GRIN2B: variants seen among roughly 807,000 people sequenced by gnomAD.
GRIN2B encodes glutamate ionotropic receptor NMDA type subunit 2B, also known as glutamate receptor ionotropic, NMDA 2B.
A neutral mutation model predicts 114.5 loss-of-function variants in GRIN2B; 5 were observed. The observed-to-expected ratio is 0.04, with a 90% CI of 0.02 to 0.09. GRIN2B has a LOEUF of 0.09. Ranked by LOEUF, GRIN2B falls within the 10% of genes least tolerant of loss-of-function variation. The pLI is 1.00. For synonymous variants in GRIN2B, 787 were observed against 745.1 expected (o/e 1.06, Z -0.92); for missense variants, 1,108 against 1,943.5 (o/e 0.57, Z 8.08).
At position 13,559,291 on chromosome 12, in the gene GRIN2B, A is replaced by G. The variant is rs1948510283; in HGVS notation, c.*3492T>C. The G allele has an allele frequency of 6.6e-6, 1 of 152,250 alleles. No individual in the cohort carries two copies. The highest frequency in any genetic ancestry group is 6.5e-5 in the Admixed American group (1 of 15,290). 9.4% of individuals were successfully genotyped at this position (152,250 alleles called of 1,614,324 possible). On this transcript the variant is annotated 3_prime_UTR_variant, in exon 14 of 14. Coordinates refer to ENST00000609686, the MANE Select transcript of GRIN2B (RefSeq NM_000834.5). ...TGGGGCCAAATAAGTTTAGAAAAATAAAATTGTCCAGCTAACAGCTTTTAT... is the reference window on the plus strand; with the variant it reads ...TGGGGCCAAATAAGTTTAGAAAAATGAAATTGTCCAGCTAACAGCTTTTAT...
At chr12:13,641,723 T>C (rs1288409395) in intron 5 of GRIN2B, among the ~76,000 whole-genome samples, 2 of 152,188 alleles carry the variant, frequency 1.3e-5, no homozygotes, top group Non-Finnish European at 2.9e-5. Context: ...TTTTAGTGTT[T>C]ACTCATTAGA....
chr12:13,562,597 A>G lies in GRIN2B; in HGVS notation c.*186T>C. Reference sequence around the variant, plus strand: ...GAAGGAGAGAACTGTGAAAAGGAGGAGAGATGGTGCTGGTCACCAGGGTTG... The same window carrying G: ...GAAGGAGAGAACTGTGAAAAGGAGGGGAGATGGTGCTGGTCACCAGGGTTG... On this transcript the variant is annotated 3_prime_UTR_variant, in exon 14 of 14. Coordinates refer to ENST00000609686, the MANE Select transcript of GRIN2B (RefSeq NM_000834.5). 2 of 616,834 alleles carry G rather than the reference A, an allele frequency of 3.2e-6. No individual in the cohort carries two copies. Among genetic ancestry groups the G allele is most frequent in the East Asian group, 5.5e-5 (2 of 36,486 alleles). The allele number at this position is 616,834 out of a possible 1,614,324, so 38.2% of individuals were successfully genotyped here. A position where few individuals can be genotyped will look rare whatever the true frequency, so the allele number is the denominator to read the frequency against.
At chr12:13,875,520 TG>T (rs1865980378) in intron 2 of GRIN2B, among the ~76,000 whole-genome samples, 1 of 152,110 alleles carries the variant, frequency 6.6e-6, no homozygotes, top group Non-Finnish European at 1.5e-5. Flanking sequence ...AGCAAGACTC[TG>T]TCTCAAAAGA....
At chr12:13,729,350 C>T (rs1397500603) in intron 4 of GRIN2B, among the ~76,000 whole-genome samples, 3 of 152,130 alleles carry the variant, frequency 2.0e-5, no homozygotes, top group South Asian at 2.1e-4. Flanking sequence ...TAGTCATGTC[C>T]GAACTCATTC....
chr12:13,917,285 A>C (rs1192358763), intron 2 of GRIN2B, among the ~76,000 whole-genome samples: 1 of 152,208 alleles, frequency 6.6e-6, no homozygotes, highest in Non-Finnish European at 1.5e-5. Flanking sequence ...AAGCCCCAGC[A>C]ACCCACAATA....
At chr12:13,888,449 A>AG (rs1866201848) in intron 2 of GRIN2B, among the ~76,000 whole-genome samples, 2 of 151,364 alleles carry the variant, frequency 1.3e-5, no homozygotes, top group African/African-American at 4.9e-5. Context: ...AAAAAAAAAA[A>AG]TAGGCCAGGT....
intron 8 of GRIN2B, among the ~76,000 whole-genome samples, chr12:13,614,015 G>GCAAAAAAAAAAAAAAAAAAAAAAA: frequency 4.0e-5 from 1 of 24,738 alleles, no homozygotes; most frequent in Non-Finnish European, 7.3e-5. Context: ...TCCTTGCACA[G>GCAAAAAAAAAAAAAAAAAAAAAAA]CAAAAAAAAA....
chr12:13,616,231 G>A (rs1208222114), intron 6 of GRIN2B, among the ~76,000 whole-genome samples: 1 of 152,166 alleles, frequency 6.6e-6, no homozygotes, highest in Non-Finnish European at 1.5e-5. Flanking sequence ...CAAGACCGAA[G>A]AAACTTTAGC....
chr12:13,905,824 T>C (rs1866526706), intron 2 of GRIN2B, among the ~76,000 whole-genome samples: 1 of 152,136 alleles, frequency 6.6e-6, no homozygotes, highest in African/African-American at 2.4e-5. Flanking sequence ...TTGTTTTTTG[T>C]TGTTGTTTTC....
chr12:13,826,020 TTTC>T (rs747190435), intron 3 of GRIN2B, among the ~76,000 whole-genome samples: 36 of 152,106 alleles, frequency 2.4e-4, no homozygotes, highest in Non-Finnish European at 3.4e-4. Context: ...CTAGTCTTTG[TTTC>T]TTCTTTTTTT....
intron 5 of GRIN2B, among the ~76,000 whole-genome samples, chr12:13,663,990 C>T (rs1949950431): frequency 6.6e-6 from 1 of 152,102 alleles, no homozygotes; most frequent in African/African-American, 2.4e-5. Context: ...GAGGTAGGTG[C>T]TATTATAATC....
intron 3 of GRIN2B, among the ~76,000 whole-genome samples, chr12:13,805,340 G>A (rs1036736383): frequency 3.9e-5 from 6 of 152,106 alleles, no homozygotes; most frequent in Admixed American, 6.6e-5. Flanking sequence ...TCATGGATCC[G>A]CATAAGATAA....
intron 5 of GRIN2B, among the ~76,000 whole-genome samples, chr12:13,642,006 G>C (rs1949721781): frequency 6.6e-6 from 1 of 152,082 alleles, no homozygotes; most frequent in Admixed American, 6.5e-5. Context: ...TGGCCAATGT[G>C]ATGAAACCCT....
At chr12:13,767,724 A>T (rs1863824588) in intron 3 of GRIN2B, among the ~76,000 whole-genome samples, 1 of 152,238 alleles carries the variant, frequency 6.6e-6, no homozygotes, top group Admixed American at 6.5e-5. Flanking sequence ...TTAGTTTCAC[A>T]CAGATGAAAG....
chr12:13,736,761 T>C (rs1481461045), intron 4 of GRIN2B, among the ~76,000 whole-genome samples: 1 of 152,170 alleles, frequency 6.6e-6, no homozygotes, highest in African/African-American at 2.4e-5. Flanking sequence ...CAATCATGCC[T>C]GTAATCCCAG....
At chr12:13,869,101 T>A (rs1038442262) in intron 2 of GRIN2B, among the ~76,000 whole-genome samples, 1 of 152,194 alleles carries the variant, frequency 6.6e-6, no homozygotes, top group Admixed American at 6.5e-5. Flanking sequence ...TAAATACACA[T>A]AAACTTTTAT....
chr12:13,693,025 C>T (rs1401178048), intron 4 of GRIN2B, among the ~76,000 whole-genome samples: 1 of 151,944 alleles, frequency 6.6e-6, no homozygotes, highest in African/African-American at 2.4e-5. Flanking sequence ...GCCTAGGCCT[C>T]CCAGAGTGCT....
intron 2 of GRIN2B, among the ~76,000 whole-genome samples, chr12:13,954,863 A>G: frequency 7.1e-6 from 1 of 141,172 alleles, no homozygotes; most frequent in Non-Finnish European, 1.6e-5. Flanking sequence ...AAAAAATCTT[A>G]TGACACAAAA....
chr12:13,725,037 G>A (rs1862956695), intron 4 of GRIN2B, among the ~76,000 whole-genome samples: 2 of 152,108 alleles, frequency 1.3e-5, no homozygotes, highest in Admixed American at 1.3e-4. Flanking sequence ...CAACTTCCTT[G>A]AGACAGAGCA....
Sources: gnomAD v4.1 joint callset for allele counts (sites outside exome capture counted in the v4.1 genomes callset) on GRCh38, gnomAD v4.1.1 for gene constraint, MANE v1.5 for transcripts, NCBI Gene and HGNC (gene_info 2026-07-23, HGNC 2026-07-21) for gene names.